The following AKAP13 variants were observed in gnomAD, a reference collection of about 807,000 sequenced individuals.
AKAP13 encodes the protein A-kinase anchor protein 13.
A neutral mutation model predicts 264.5 loss-of-function variants in AKAP13; 80 were observed. The observed-to-expected ratio is 0.30, with a 90% confidence interval of 0.25 to 0.36. AKAP13 has a LOEUF of 0.36. AKAP13 is among the 10% of genes least tolerant of loss of function. AKAP13 has a pLI of 1.00. For synonymous variants in AKAP13, 1,380 were observed against 1,250.2 expected (o/e 1.10, Z -2.19); for missense variants, 3,712 against 3,435.2 (o/e 1.08, Z -2.01).
At chr15:85,513,259 C>G (rs1321906044) in intron 2 of AKAP13, among the ~76,000 whole-genome samples, 2 of 152,138 alleles carry the variant, frequency 1.3e-5, no homozygotes, top group Non-Finnish European at 2.9e-5. Flanking sequence ...TCTACATTTG[C>G]TGTTAATGAT....
chr15:85,620,101 C>T (rs141160465), intron 8 of AKAP13: 73 of 1,536,036 alleles, frequency 4.8e-5, no homozygotes, highest in East Asian at 4.6e-4. Context: ...AATGTATGAA[C>T]GGCACAAGAG....
chr15:85,579,502 T>C lies in AKAP13; in HGVS notation c.1434T>C (p.Thr478=), dbSNP rs1020868406. The change falls in exon 7 of 37, where the codon ACT becomes ACC. Residue 478 remains threonine, a synonymous_variant. Coordinates refer to ENST00000394518, the MANE Select transcript of AKAP13 (RefSeq NM_007200.5). ...ISTTNVSTPD[T]AGEMEHGLMN... ...CAACAAATGTCAGTACCCCAGACACTGCAGGGGAAATGGAACATGGGCTCA... is the reference window on the plus strand; with the variant it reads ...CAACAAATGTCAGTACCCCAGACACCGCAGGGGAAATGGAACATGGGCTCA... 1 of 1,614,160 alleles carries C rather than the reference T, an allele frequency of 6.2e-7. No homozygotes were observed. Among genetic ancestry groups the C allele is most frequent in the Non-Finnish European group, 8.5e-7 (1 of 1,180,038 alleles).
At chr15:85,576,788 A>G (rs2079029952) in intron 6 of AKAP13, among the ~76,000 whole-genome samples, 1 of 152,232 alleles carries the variant, frequency 6.6e-6, no homozygotes, top group Non-Finnish European at 1.5e-5. Context: ...CTAGGCAATC[A>G]GGTTTTTCCT....
chr15:85,661,531 C>G (rs11629510), intron 12 of AKAP13, among the ~76,000 whole-genome samples: 30,927 of 151,876 alleles, frequency 0.2, 4,177 homozygotes, highest in Middle Eastern at 0.42. Context: ...CCAGCCTGAC[C>G]AACATGGTGA....
intron 8 of AKAP13, among the ~76,000 whole-genome samples, chr15:85,613,713 T>TATATATATG: frequency 9.0e-6 from 1 of 111,000 alleles, no homozygotes; most frequent in Non-Finnish European, 1.9e-5. Flanking sequence ...TATATATATA[T>TATATATATG]TAGGAGTGCT....
In AKAP13 at chr15:85,475,700, G is replaced by A. The variant is rs571125981; in HGVS notation, c.-11-10010G>A. On this transcript the variant is annotated intron_variant, in intron 1 of 36. Coordinates refer to ENST00000394518, the MANE Select transcript of AKAP13 (RefSeq NM_007200.5). Reference sequence around the variant, plus strand: ...CTTAACACTTAGCAGAATTCATGCTGCCTTTAATGAGCTACCAGTTTAACC... The same window carrying A: ...CTTAACACTTAGCAGAATTCATGCTACCTTTAATGAGCTACCAGTTTAACC... Among the ~76,000 whole-genome samples the A allele has an allele frequency of 2.0e-5, 3 of 152,304 alleles. No homozygotes were observed. In the South Asian group the frequency reaches 6.2e-4, roughly 32 times the overall value.
At position 85,447,901 on chromosome 15, in the gene AKAP13, T is replaced by C. The variant is rs191230525; in HGVS notation, c.-11-37809T>C. On this transcript the variant is annotated intron_variant, in intron 1 of 36. Transcript: ENST00000394518. ...GGTATATACTCAATAATGGGATTGC[T>C]GGGTTGAATGGTAGTTCTGCTTTTA... Among the ~76,000 whole-genome samples the C allele has an allele frequency of 6.8e-4, 104 of 152,340 alleles. 1 individual carries two copies. Among genetic ancestry groups the C allele is most frequent in the Non-Finnish European group, 2.9e-4 (20 of 68,032 alleles).
At chr15:85,698,399 A>G (rs371827009) in intron 17 of AKAP13, among the ~76,000 whole-genome samples, 4 of 134,096 alleles carry the variant, frequency 3.0e-5, no homozygotes, top group South Asian at 4.8e-4. Context: ...TGGGAGACAG[A>G]GGTTGCAGTG....
chr15:85,457,729 A>C (rs546606741), intron 1 of AKAP13, among the ~76,000 whole-genome samples: 12 of 152,316 alleles, frequency 7.9e-5, no homozygotes, highest in African/African-American at 2.9e-4. Context: ...AGTTGACTAC[A>C]TTGCTTAATT....
intron 15 of AKAP13, chr15:85,684,344 G>A (rs188325566): frequency 1.3e-3 from 205 of 153,900 alleles, no homozygotes; most frequent in Non-Finnish European, 1.9e-3. Flanking sequence ...GGAGGATTGT[G>A]TGAAGCCAGG....
chr15:85,601,470 G>C lies in AKAP13; in HGVS notation c.4161+15647G>C, dbSNP rs989978170. ...AGCTTTCATATAGTCTGTTAAGTTAGAAAGCTCTCACCCAAGATTCTATCC... is the reference window on the plus strand; with the variant it reads ...AGCTTTCATATAGTCTGTTAAGTTACAAAGCTCTCACCCAAGATTCTATCC... On this transcript the variant is annotated intron_variant, in intron 8 of 36. Coordinates refer to ENST00000394518, the MANE Select transcript of AKAP13 (RefSeq NM_007200.5). 5.9e-5 allele frequency among the ~76,000 whole-genome samples: 9 copies of C among 152,108 alleles called. No homozygotes were observed. The South Asian group carries it at 6.2e-4, about 11-fold the overall frequency.
intron 1 of AKAP13, among the ~76,000 whole-genome samples, chr15:85,459,063 A>G (rs1464967483): frequency 6.6e-6 from 1 of 152,206 alleles, no homozygotes; most frequent in Non-Finnish European, 1.5e-5. Context: ...ACTTTGCATG[A>G]ACTTTAGATC....
chr15:85,662,375 A>G (rs1295895609), intron 12 of AKAP13: 1 of 1,613,874 alleles, frequency 6.2e-7, no homozygotes, highest in Non-Finnish European at 8.5e-7. Context: ...TCTGTCTTTG[A>G]TGTCATCCCC....
intron 5 of AKAP13, among the ~76,000 whole-genome samples, chr15:85,558,544 A>G (rs1452731060): frequency 6.6e-6 from 1 of 152,108 alleles, no homozygotes; most frequent in East Asian, 1.9e-4. Flanking sequence ...AAATGAGCAA[A>G]AATGTGTCTT....
intron 16 of AKAP13, among the ~76,000 whole-genome samples, chr15:85,689,476 G>T (rs769617715): frequency 2.8e-4 from 42 of 152,288 alleles, no homozygotes; most frequent in Non-Finnish European, 3.2e-4. Flanking sequence ...TCCTAGTGCA[G>T]TTGTTACCTG....
intron 1 of AKAP13, among the ~76,000 whole-genome samples, chr15:85,387,646 T>C (rs1210716852): frequency 1.4e-5 from 2 of 147,828 alleles, no homozygotes; most frequent in East Asian, 1.9e-4. Flanking sequence ...TTGATTGGCA[T>C]TGTGTTGAAG....
At position 85,639,881 on chromosome 15, in the gene AKAP13, G is replaced by A. The variant is rs77207378; in HGVS notation, c.4237+432G>A. 9.0e-3 allele frequency among the ~76,000 whole-genome samples: 1,372 copies of A among 152,288 alleles called. 18 individuals carry two copies. Among genetic ancestry groups the A allele is most frequent in the African/African-American group, 0.032 (1,317 of 41,558 alleles). On this transcript the variant is annotated intron_variant, in intron 9 of 36. Coordinates refer to ENST00000394518, the MANE Select transcript of AKAP13 (RefSeq NM_007200.5). ...ATTTAATTGGGTGGGGTGTGGCCTAGATATCAAAATCTTTATAAGCTCCTT... is the reference window on the plus strand; with the variant it reads ...ATTTAATTGGGTGGGGTGTGGCCTAAATATCAAAATCTTTATAAGCTCCTT...
intron 10 of AKAP13, 104 bp from the exon 11 acceptor site, chr15:85,655,313 C>T (rs747248749): frequency 2.1e-6 from 3 of 1,423,884 alleles, no homozygotes; most frequent in Non-Finnish European, 2.8e-6. Context: ...TATGATCTTA[C>T]CTGCCTGGAA....
In AKAP13 at chr15:85,730,997, CTTTTTTTTTTTTTT is replaced by C. The variant is rs71468134; in HGVS notation, c.7282+301_7282+314del. ...ACTGTTTTTTAATTAGTCACTTATG[CTTTTTTTTTTTTTT>C]TTTTTTTTTTGGCAGGATCTTGCTG... is the stretch of plus-strand genomic sequence containing the variant. On this transcript the variant is annotated intron_variant, in intron 30 of 36. Coordinates refer to ENST00000394518, the MANE Select transcript of AKAP13 (RefSeq NM_007200.5). 3.3e-3 allele frequency among the ~76,000 whole-genome samples: 192 copies of C among 57,458 alleles called. 5 individuals are homozygous for C. Among genetic ancestry groups the C allele is most frequent in the Non-Finnish European group, 4.7e-4 (16 of 34,020 alleles). 37.7% of individuals were successfully genotyped at this position (57,458 alleles called of 152,430 possible).
Sources: allele counts gnomAD v4.1 joint callset (sites outside exome capture counted in the v4.1 genomes callset), GRCh38; gene constraint gnomAD v4.1.1; transcripts MANE v1.5; gene names NCBI Gene and HGNC (gene_info 2026-07-23, HGNC 2026-07-21).